The following NDUFAF6 variants were observed in gnomAD, a reference collection of about 807,000 sequenced individuals.
NDUFAF6 encodes the protein NADH dehydrogenase (ubiquinone) complex I, assembly factor 6.
In NDUFAF6, 45 loss-of-function variants were observed where a neutral mutation model predicts 40.8. The observed-to-expected ratio is 1.10, with a 90% CI of 0.87 to 1.42. The LOEUF is 1.42. NDUFAF6 is among the 40% of genes most tolerant of loss of function. The pLI is 0.00. For synonymous variants in NDUFAF6, 185 were observed against 155.9 expected, an observed-to-expected ratio of 1.19 and a Z score of -1.39; for missense variants, 435 against 418.5, an observed-to-expected ratio of 1.04 and a Z score of -0.34.
At chr8:95,074,675 A>C (rs1357110482) in intron 9 of NDUFAF6, among the ~76,000 whole-genome samples, 3 of 152,002 alleles carry the variant, frequency 2.0e-5, no homozygotes, top group Admixed American at 6.6e-5. Context: ...CTGTCCCTCC[A>C]CTTAGTCACC....
At chr8:94,994,817 C>G (rs1203543984) in intron 2 of NDUFAF6, among the ~76,000 whole-genome samples, 3 of 151,996 alleles carry the variant, frequency 2.0e-5, no homozygotes, top group African/African-American at 7.2e-5. Flanking sequence ...GGGTGGAGAC[C>G]CTGTCTCAAA....
chr8:95,011,438 T>A (rs1827223481), intron 2 of NDUFAF6, among the ~76,000 whole-genome samples: 1 of 152,186 alleles, frequency 6.6e-6, no homozygotes, highest in Non-Finnish European at 1.5e-5. Flanking sequence ...CTTAATCTGA[T>A]AAAATGGTTG....
chr8:94,920,926 C>T (rs1819457466), intron 1 of NDUFAF6, among the ~76,000 whole-genome samples: 1 of 152,234 alleles, frequency 6.6e-6, no homozygotes, highest in African/African-American at 2.4e-5. Context: ...TTAAAGCATT[C>T]ACCTTCATCC....
chr8:95,053,935 T>A (rs1181837428), intron 8 of NDUFAF6, among the ~76,000 whole-genome samples: 1 of 130,544 alleles, frequency 7.7e-6, no homozygotes, highest in Non-Finnish European at 1.6e-5. Context: ...CTTTTTTTTT[T>A]TTTTTTTTTT....
intron 1 of NDUFAF6, chr8:94,927,699 AAAAC>A (rs1198742747): frequency 6.6e-6 from 1 of 152,316 alleles, no homozygotes; most frequent in Non-Finnish European, 1.5e-5. Flanking sequence ...TTTGTCAACA[AAAAC>A]AAACTTTGAG....
intron 1 of NDUFAF6, among the ~76,000 whole-genome samples, chr8:94,943,850 T>G (rs1821766855): frequency 6.6e-6 from 1 of 152,224 alleles, no homozygotes; most frequent in East Asian, 1.9e-4. Flanking sequence ...TCCTGAAACC[T>G]TCTGGAAAGC....
intron 2 of NDUFAF6, among the ~76,000 whole-genome samples, chr8:94,948,133 C>G (rs1822177220): frequency 6.6e-6 from 1 of 152,150 alleles, no homozygotes; most frequent in African/African-American, 2.4e-5. Flanking sequence ...CTTCCTTAAT[C>G]CACTCTGTAT....
At chr8:94,931,587 TACACAC>T (rs557721378) in intron 1 of NDUFAF6, among the ~76,000 whole-genome samples, 16 of 68,532 alleles carry the variant, frequency 2.3e-4, no homozygotes, top group African/African-American at 5.1e-4. Flanking sequence ...ACATATTTAT[TACACAC>T]ACACACACAC....
chr8:94,938,448 C>T (rs1821203390), intron 1 of NDUFAF6, among the ~76,000 whole-genome samples: 1 of 152,186 alleles, frequency 6.6e-6, no homozygotes, highest in South Asian at 2.1e-4. Flanking sequence ...ATGTGGAAAG[C>T]GTATGCTAAT....
intron 1 of NDUFAF6, among the ~76,000 whole-genome samples, chr8:94,905,010 G>A (rs773114447): frequency 3.9e-5 from 6 of 152,146 alleles, no homozygotes; most frequent in Non-Finnish European, 8.8e-5. Flanking sequence ...GACCAGCCTG[G>A]CCAACATGGT....
chr8:95,033,979 G>C, intron 2 of NDUFAF6: 1 of 457,716 alleles, frequency 2.2e-6, no homozygotes, highest in South Asian at 1.5e-5. Flanking sequence ...TGAGCAGAGA[G>C]ACATCACCTC....
At chr8:95,016,931 C>CTT (rs34316218) in intron 2 of NDUFAF6, among the ~76,000 whole-genome samples, 24 of 108,018 alleles carry the variant, frequency 2.2e-4, no homozygotes, top group Non-Finnish European at 3.1e-4. Context: ...TCCTCCTCCT[C>CTT]TTTTTTTTTT....
chr8:94,964,097 C>A (rs1011812115), intron 1 of NDUFAF6, among the ~76,000 whole-genome samples: 6 of 151,996 alleles, frequency 3.9e-5, no homozygotes, highest in Admixed American at 3.9e-4. Context: ...GGAACCCTGG[C>A]GGTAGGACCC....
intron 1 of NDUFAF6, among the ~76,000 whole-genome samples, chr8:94,904,477 GA>G (rs1818262877): frequency 6.6e-6 from 1 of 151,342 alleles, no homozygotes; most frequent in Non-Finnish European, 1.5e-5. Context: ...CGCCTGGCCT[GA>G]ACCATGTTTT....
intron 6 of NDUFAF6, among the ~76,000 whole-genome samples, chr8:95,047,493 GTTTTCTTTTC>G (rs1421320624): frequency 2.1e-5 from 3 of 140,120 alleles, no homozygotes; most frequent in African/African-American, 7.8e-5. Flanking sequence ...TGAGGACTTT[GTTTTCTTTTC>G]TTTTCTTTTT....
chr8:94,896,083 C>T (rs960401353), intron 1 of NDUFAF6, among the ~76,000 whole-genome samples: 3 of 152,220 alleles, frequency 2.0e-5, no homozygotes, highest in Admixed American at 6.5e-5. Flanking sequence ...CCACGCCGCG[C>T]CCTCCCTTGC....
chr8:95,024,040 T>C (rs1827820550), upstream of NDUFAF6, among the ~76,000 whole-genome samples: 1 of 152,112 alleles, frequency 6.6e-6, no homozygotes, highest in African/African-American at 2.4e-5. Context: ...TTAAAAGCTC[T>C]GTCTTCCTGC....
intron 4 of NDUFAF6, among the ~76,000 whole-genome samples, chr8:95,111,043 T>C (rs896091470): frequency 1.3e-5 from 2 of 152,212 alleles, no homozygotes; most frequent in African/African-American, 4.8e-5. Flanking sequence ...CCTAAAGGCC[T>C]GGGCAGGAAG....
At chr8:94,973,686 CGA>C in intron 1 of NDUFAF6, among the ~76,000 whole-genome samples, 1 of 144,536 alleles carries the variant, frequency 6.9e-6, no homozygotes, top group South Asian at 2.2e-4. Flanking sequence ...CCAGCCTGGG[CGA>C]CAAGAGTGAG....
Sources: gnomAD v4.1 joint callset for allele counts (sites outside exome capture counted in the v4.1 genomes callset) on GRCh38, gnomAD v4.1.1 for gene constraint, MANE v1.5 for transcripts, NCBI Gene and HGNC (gene_info 2026-07-23, HGNC 2026-07-21) for gene names.